Variants in KCND2 observed in about 807,000 individuals in gnomAD.
The protein encoded by KCND2 is A-type voltage-gated potassium channel KCND2.
A neutral mutation model predicts 54.4 loss-of-function variants in KCND2; 16 were observed. The observed-to-expected ratio is 0.29, with a 90% CI of 0.20 to 0.45. The LOEUF is 0.45. Among genes scored for constraint, KCND2 ranks in the 20% least tolerant of loss-of-function variants. The pLI is 1.00. For missense variants in KCND2, 486 were observed against 824.2 expected (o/e 0.59, Z 5.02); for synonymous variants, 317 against 310.7 (o/e 1.02, Z -0.21).
intron 1 of KCND2, among the ~76,000 whole-genome samples, chr7:120,301,003 T>G (rs781448324): frequency 4.6e-5 from 7 of 152,064 alleles, no homozygotes; most frequent in Non-Finnish European, 1.0e-4. Flanking sequence ...CCTCAGGGCT[T>G]CAAAAGTTAT....
intron 1 of KCND2, among the ~76,000 whole-genome samples, chr7:120,570,858 T>C (rs1289487221): frequency 1.3e-5 from 2 of 152,196 alleles, no homozygotes; most frequent in African/African-American, 4.8e-5. Flanking sequence ...GACCTTTCCT[T>C]TTCTGTCCAA....
intron 1 of KCND2, among the ~76,000 whole-genome samples, chr7:120,603,688 T>C (rs1037744509): frequency 9.8e-5 from 15 of 152,312 alleles, no homozygotes; most frequent in African/African-American, 3.6e-4. Flanking sequence ...CCAAACATCA[T>C]ATCCCAGCCT....
chr7:120,303,786 A>G (rs1443437060), intron 1 of KCND2, among the ~76,000 whole-genome samples: 6 of 152,262 alleles, frequency 3.9e-5, no homozygotes, highest in Admixed American at 1.3e-4. Flanking sequence ...TCTGTTTGTC[A>G]ATGTATCCTT....
At chr7:120,626,310 C>T (rs1285530043) in intron 1 of KCND2, among the ~76,000 whole-genome samples, 1 of 152,166 alleles carries the variant, frequency 6.6e-6, no homozygotes, top group East Asian at 1.9e-4. Context: ...GGAAGACATA[C>T]AAGAGTAGCA....
Position 120,742,524 on chromosome 7 carries a change from G to A in KCND2, c.1389G>A (p.Glu463=), listed in dbSNP as rs1465084269. 1.9e-6 allele frequency: 3 copies of A among 1,613,374 alleles called. No homozygotes were observed. Among genetic ancestry groups the A allele is most frequent in the African/African-American group, 1.3e-5 (1 of 74,860 alleles). Reference sequence around the variant, plus strand: ...TTTGTTAACAGTCCTCAGAGGATGAGCAGGCTTTTGTTAGCAAATCCGGCT... The same window carrying A: ...TTTGTTAACAGTCCTCAGAGGATGAACAGGCTTTTGTTAGCAAATCCGGCT... ...LSNQLQSSED[E]QAFVSKSGSS... is the part of the protein sequence containing the mutation. Residue 463 remains glutamate (E), a synonymous_variant, in exon 4 of 6, where the codon GAG becomes GAA. Transcript: ENST00000331113.
intron 1 of KCND2, among the ~76,000 whole-genome samples, chr7:120,439,079 A>C (rs1036772819): frequency 6.6e-6 from 1 of 152,100 alleles, no homozygotes; most frequent in African/African-American, 2.4e-5. Context: ...GGACGAGAAG[A>C]CTAAGCCTGT....
intron 1 of KCND2, among the ~76,000 whole-genome samples, chr7:120,505,863 T>G (rs1480641263): frequency 1.3e-5 from 2 of 151,830 alleles, no homozygotes; most frequent in East Asian, 3.9e-4. Context: ...CAAGTTGTTC[T>G]TATAACATAC....
chr7:120,677,050 T>C (rs1222442143), intron 1 of KCND2, among the ~76,000 whole-genome samples: 1 of 152,186 alleles, frequency 6.6e-6, no homozygotes, highest in Non-Finnish European at 1.5e-5. Context: ...CAAGCAAGTG[T>C]GTAATCACAG....
chr7:120,448,556 G>A (rs913585514), intron 1 of KCND2, among the ~76,000 whole-genome samples: 5 of 151,798 alleles, frequency 3.3e-5, no homozygotes, highest in African/African-American at 1.2e-4. Context: ...GTAAACGGAT[G>A]TCTAACTAAT....
chr7:120,696,603 T>C (rs1373877185), intron 1 of KCND2, among the ~76,000 whole-genome samples: 1 of 152,184 alleles, frequency 6.6e-6, no homozygotes, highest in Admixed American at 6.5e-5. Context: ...TAAAAAGAAG[T>C]GATTAAGTCA....
rs1175736454 is a variant in KCND2 at position 120,621,276 on chromosome 7, CAAAAAAAAAAAAAA to C, written c.1116-111612_1116-111599del. On this transcript the variant is annotated intron_variant, in intron 1 of 5. Coordinates refer to ENST00000331113, the MANE Select transcript of KCND2 (RefSeq NM_012281.3). Reference sequence around the variant, plus strand: ...TGGGCGACAGAGCAAGACTCCGTCTCAAAAAAAAAAAAAAAAAAAAAAAAAAAAGAACCATATGG... The same window carrying C: ...TGGGCGACAGAGCAAGACTCCGTCTCAAAAAAAAAAAAAAGAACCATATGG... 8.5e-5 allele frequency among the ~76,000 whole-genome samples: 4 copies of C among 47,192 alleles called. No homozygotes were observed. In the South Asian group the frequency reaches 2.5e-3, roughly 30 times the overall value. 31.0% of individuals were successfully genotyped at this position (47,192 alleles called of 152,430 possible). A position where few individuals can be genotyped will look rare whatever the true frequency, so the allele number is the denominator to read the frequency against.
At chr7:120,325,879 C>T (rs919842347) in intron 1 of KCND2, among the ~76,000 whole-genome samples, 6 of 151,962 alleles carry the variant, frequency 3.9e-5, no homozygotes, top group Non-Finnish European at 8.8e-5. Context: ...ACCCTGTATT[C>T]ACAGCAGGAG....
intron 1 of KCND2, among the ~76,000 whole-genome samples, chr7:120,550,310 TG>T (rs1562870669): frequency 6.6e-6 from 1 of 151,898 alleles, no homozygotes; most frequent in Non-Finnish European, 1.5e-5. Context: ...ATTTTACCAA[TG>T]GGGGAAAAAA....
chr7:120,477,034 A>G (rs758576006), intron 1 of KCND2, among the ~76,000 whole-genome samples: 1 of 152,158 alleles, frequency 6.6e-6, no homozygotes, highest in Non-Finnish European at 1.5e-5. Context: ...TGTATTTCTC[A>G]CTTTGGCCTA....
At chr7:120,376,853 C>T (rs7781274) in intron 1 of KCND2, among the ~76,000 whole-genome samples, 4,638 of 152,000 alleles carry the variant, frequency 0.031, 227 homozygotes, top group African/African-American at 0.11. Flanking sequence ...ATTCACACAA[C>T]TCACTAAATA....
At chr7:120,609,076 C>T (rs1341248148) in intron 1 of KCND2, among the ~76,000 whole-genome samples, 1 of 151,996 alleles carries the variant, frequency 6.6e-6, no homozygotes, top group Non-Finnish European at 1.5e-5. Flanking sequence ...TCTCTCATAA[C>T]ATGGTTAACT....
intron 1 of KCND2, among the ~76,000 whole-genome samples, chr7:120,615,212 T>A (rs186139863): frequency 6.6e-5 from 10 of 152,308 alleles, no homozygotes; most frequent in East Asian, 3.9e-4. Context: ...TAGTTTTTTT[T>A]ATTCAGAAAT....
chr7:120,350,838 A>G (rs1349116310), intron 1 of KCND2, among the ~76,000 whole-genome samples: 1 of 152,220 alleles, frequency 6.6e-6, no homozygotes, highest in East Asian at 1.9e-4. Flanking sequence ...GTTTCCAGTC[A>G]TACTTCTATT....
At chr7:120,433,195 T>C (rs1370812948) in intron 1 of KCND2, among the ~76,000 whole-genome samples, 1 of 152,136 alleles carries the variant, frequency 6.6e-6, no homozygotes, top group Non-Finnish European at 1.5e-5. Context: ...CCAGCAGGGG[T>C]GAAGAACCCT....
Sources: allele counts gnomAD v4.1 joint callset (sites outside exome capture counted in the v4.1 genomes callset), GRCh38; gene constraint gnomAD v4.1.1; transcripts MANE v1.5; gene names NCBI Gene and HGNC (gene_info 2026-07-23, HGNC 2026-07-21).